Variants in ARHGEF10 observed in about 807,000 individuals in gnomAD.
The protein encoded by ARHGEF10 is Rho guanine nucleotide exchange factor (GEF) 10.
In ARHGEF10, 140 loss-of-function variants were observed where a neutral mutation model predicts 147.4. That is an observed-to-expected ratio of 0.95 (90% CI 0.83 to 1.09). ARHGEF10 has a LOEUF of 1.09. ARHGEF10 is among the 50% of genes least tolerant of loss of function. The pLI, the probability that ARHGEF10 is intolerant of heterozygous loss-of-function variation, is 0.00. For missense variants in ARHGEF10, 2,222 were observed against 1,752.7 expected (o/e 1.27, Z -4.78); for synonymous variants, 902 against 695.8 (o/e 1.30, Z -4.67).
At chr8:1,952,041 G>A (rs1201252192) in intron 27 of ARHGEF10, among the ~76,000 whole-genome samples, 1 of 151,920 alleles carries the variant, frequency 6.6e-6, no homozygotes, top group African/African-American at 2.4e-5. Flanking sequence ...AAATTGTTTA[G>A]TTTCTCTGGG....
chr8:1,842,361 C>T (rs1420986528), intron 1 of ARHGEF10, among the ~76,000 whole-genome samples: 1 of 152,180 alleles, frequency 6.6e-6, no homozygotes, highest in Non-Finnish European at 1.5e-5. Context: ...TAAGGGAATT[C>T]GCCGGCCTGG....
intron 1 of ARHGEF10, among the ~76,000 whole-genome samples, chr8:1,832,787 G>GGC (rs1563148631): frequency 0.093 from 3,440 of 37,046 alleles, 387 homozygotes; most frequent in African/African-American, 0.14. Context: ...CAGAGACAGA[G>GGC]AGAGACAGAG....
At chr8:1,826,098 T>G in intron 1 of ARHGEF10, 1 of 1,594,154 alleles carries the variant, frequency 6.3e-7, no homozygotes, top group Non-Finnish European at 8.5e-7. Context: ...GATGCATAAC[T>G]CTTTATAGAC....
At chr8:1,912,164 A>G (rs1262036723) in intron 18 of ARHGEF10, among the ~76,000 whole-genome samples, 1 of 152,054 alleles carries the variant, frequency 6.6e-6, no homozygotes. Context: ...TGTCCCTGCA[A>G]AAGCGCCGTG....
chr8:1,907,986 C>T (rs78440317), intron 17 of ARHGEF10, among the ~76,000 whole-genome samples: 1,847 of 152,278 alleles, frequency 0.012, 35 homozygotes, highest in African/African-American at 0.041. Context: ...ATGGGCATTT[C>T]TGTTTTTCTA....
rs1585686077 is a variant in ARHGEF10, at chr8:1,956,973, T to C, written c.3745T>C (p.Ser1249Pro). The C allele has an allele frequency of 6.2e-7, 1 of 1,614,132 alleles. No individual in the cohort carries two copies. Among genetic ancestry groups the C allele is most frequent in the East Asian group, 2.2e-5 (1 of 44,890 alleles). ...AAIWLGDSLG[S>P]MTQKSDLSSS... is the part of the protein sequence containing the mutation. ...CATCTGGTTGGGAGATTCGCTGGGATCGATGACTCAGAAAAGCGACCTGTC... is the reference window on the plus strand; with the variant it reads ...CATCTGGTTGGGAGATTCGCTGGGACCGATGACTCAGAAAAGCGACCTGTC... Residue 1249 changes from serine to proline, a missense_variant, in exon 29 of 29, where the codon TCG becomes CCG. Transcript: ENST00000349830.
At position 1,933,945 on chromosome 8, in the gene ARHGEF10, A is replaced by T. The variant is rs1813359800; in HGVS notation, c.3222+3A>T. ...GTGTGGAGACTCATGCTGTAGAGGT[A>T]AGTCACTTAGGTGGCTACACGGTGT... is the stretch of plus-strand genomic sequence containing the variant. On this transcript the variant is annotated splice_donor_region_variant and intron_variant, in intron 26 of 28. Transcript: ENST00000349830. 6.2e-7 allele frequency: 1 copy of T among 1,614,186 alleles called. No individual in the cohort carries two copies. The highest frequency in any genetic ancestry group is 8.5e-7 in the Non-Finnish European group (1 of 1,180,038).
intron 2 of ARHGEF10, among the ~76,000 whole-genome samples, chr8:1,853,941 T>C (rs1423078406): frequency 1.3e-5 from 2 of 152,166 alleles, no homozygotes; most frequent in African/African-American, 2.4e-5. Context: ...TGTAAACCAA[T>C]TGCACCTGCA....
intron 26 of ARHGEF10, among the ~76,000 whole-genome samples, chr8:1,935,442 T>C (rs987562394): frequency 9.2e-5 from 14 of 152,150 alleles, no homozygotes; most frequent in Non-Finnish European, 8.8e-5. Context: ...AATCCTCTGC[T>C]CTCTGTTCAG....
chr8:1,854,752 C>G (rs1304742532), intron 2 of ARHGEF10, among the ~76,000 whole-genome samples: 3 of 152,242 alleles, frequency 2.0e-5, no homozygotes, highest in African/African-American at 2.4e-5. Flanking sequence ...CAGTTTGAAG[C>G]TTGCTCATCT....
At chr8:1,825,717 G>C (rs1802733316) in intron 1 of ARHGEF10, among the ~76,000 whole-genome samples, 1 of 152,102 alleles carries the variant, frequency 6.6e-6, no homozygotes, top group Admixed American at 6.5e-5. Context: ...AGACGAACTT[G>C]CTGTTGTCTG....
At chr8:1,874,845 AG>A (rs1807534617) in intron 7 of ARHGEF10, among the ~76,000 whole-genome samples, 1 of 127,040 alleles carries the variant, frequency 7.9e-6, no homozygotes, top group South Asian at 3.0e-4. Flanking sequence ...CACGGCGTGT[AG>A]GGGGTAGAGG....
At chr8:1,828,231 C>T (rs1802883149) in intron 1 of ARHGEF10, among the ~76,000 whole-genome samples, 1 of 152,200 alleles carries the variant, frequency 6.6e-6, no homozygotes, top group African/African-American at 2.4e-5. Context: ...TGTTTTGTGC[C>T]CGTGGCTTGT....
chr8:1,952,622 G>C lies in ARHGEF10; in HGVS notation c.3398-83G>C. ...GATTTGGTGGTGGCACGACAGGCCT[G>C]TGGGGTTTCCAGCACCCCGTCACCG... On this transcript the variant is annotated intron_variant, in intron 27 of 28. Transcript: ENST00000349830. 2.5e-6 allele frequency: 4 copies of C among 1,572,222 alleles called. No individual in the cohort carries two copies. The South Asian group carries it at 4.5e-5, about 17-fold the overall frequency.
chr8:1,833,001 CAGGCAGAG>C (rs1803305391), intron 1 of ARHGEF10, among the ~76,000 whole-genome samples: 1 of 8,130 alleles, frequency 1.2e-4, no homozygotes, highest in Non-Finnish European at 2.4e-4. Context: ...GAGGCAGAGA[CAGGCAGAG>C]AGAGACAGAG....
rs756103822 is a variant in ARHGEF10 at position 1,933,960 on chromosome 8, C to T, written c.3222+18C>T. ...CTGTAGAGGTAAGTCACTTAGGTGG[C>T]TACACGGTGTGGAAAAAATGCATTT... On this transcript the variant is annotated intron_variant, in intron 26 of 28. Transcript: ENST00000349830. 8.1e-6 allele frequency: 13 copies of T among 1,614,008 alleles called. No individual in the cohort carries two copies. Among genetic ancestry groups the T allele is most frequent in the Middle Eastern group, 3.3e-4 (2 of 6,084 alleles).
At position 1,889,499 on chromosome 8, in the gene ARHGEF10, GAGGAGA is replaced by G. The variant is rs1809214626; in HGVS notation, c.1182+3793_1182+3798del. On this transcript the variant is annotated intron_variant, in intron 11 of 28. Transcript: ENST00000349830. ...ACACTGAGTGGGGTGAGGGGTCTGTGAGGAGACACTGAGTGGGGTGAGGGGTATTGA... is the reference window on the plus strand; with the variant it reads ...ACACTGAGTGGGGTGAGGGGTCTGTGCACTGAGTGGGGTGAGGGGTATTGA... Among the ~76,000 whole-genome samples, 6 of 61,336 alleles carry G rather than the reference GAGGAGA, an allele frequency of 9.8e-5. 2 individuals carry two copies. The highest frequency in any genetic ancestry group is 3.8e-4 in the African/African-American group (4 of 10,648). 40.2% of individuals were successfully genotyped at this position (61,336 alleles called of 152,430 possible). A position where few individuals can be genotyped will look rare whatever the true frequency, so the allele number is the denominator to read the frequency against.
At chr8:1,832,725 G>A (rs1585204519) in intron 1 of ARHGEF10, among the ~76,000 whole-genome samples, 1 of 126,286 alleles carries the variant, frequency 7.9e-6, no homozygotes, top group African/African-American at 3.2e-5. Context: ...GAGGCAGAGA[G>A]AGACAGAGGC....
At chr8:1,885,025 A>G in intron 10 of ARHGEF10, among the ~76,000 whole-genome samples, 1 of 152,302 alleles carries the variant, frequency 6.6e-6, no homozygotes, top group Non-Finnish European at 1.5e-5. Context: ...TCGGTCTCCC[A>G]AAGTGCTGGG....
Sources: allele counts gnomAD v4.1 joint callset (sites outside exome capture counted in the v4.1 genomes callset), GRCh38; gene constraint gnomAD v4.1.1; transcripts MANE v1.5; gene names NCBI Gene and HGNC (gene_info 2026-07-23, HGNC 2026-07-21).